THADA: variants seen among roughly 807,000 people sequenced by gnomAD.
THADA encodes THADA armadillo repeat containing.
THADA carries 213 observed loss-of-function variants against 219.8 expected under a neutral mutation model. The observed-to-expected ratio is 0.97, with a 90% CI of 0.87 to 1.09. The LOEUF (loss-of-function observed/expected upper bound fraction) is 1.09. Ranked by LOEUF, THADA falls within the 50% of genes least tolerant of loss-of-function variation. The pLI is 0.00. For synonymous variants in THADA, 1,018 were observed against 828.9 expected, an observed-to-expected ratio of 1.23 and a Z score of -3.92; for missense variants, 2,956 against 2,311.3, an observed-to-expected ratio of 1.28 and a Z score of -5.72.
chr2:43,274,998 C>CTTTTTTTTTT (rs1002469067), intron 36 of THADA, among the ~76,000 whole-genome samples: 1 of 66,294 alleles, frequency 1.5e-5, no homozygotes, highest in East Asian at 3.5e-4. Context: ...CTTTTCTTTT[C>CTTTTTTTTTT]TTTTTTTTTT....
At position 43,571,742 on chromosome 2, in the gene THADA, C is replaced by T. The variant is rs777841362; in HGVS notation, c.2029G>A (p.Gly677Arg). ...ITYNLNSQSP[G>R]VRQQICSLLK... ...AGAGAACAGATCTGTTGCCGCACTC[C>T]TGGAGACTGGCTGTTAAGATTGTAT... The change falls in exon 13 of 38, where the codon GGA becomes AGA. Residue 677 changes from glycine to arginine, a missense_variant. Physicochemically the swap from Gly to Arg is moderately radical, Grantham distance 125. Coordinates refer to ENST00000405975, the MANE Select transcript of THADA (RefSeq NM_022065.5). 15 of 1,613,792 alleles carry T rather than the reference C, an allele frequency of 9.3e-6. No homozygotes were observed. The highest frequency in any genetic ancestry group is 2.2e-5 in the East Asian group (1 of 44,896).
intron 26 of THADA, among the ~76,000 whole-genome samples, chr2:43,438,519 C>T (rs548915988): frequency 6.6e-6 from 1 of 152,210 alleles, no homozygotes; most frequent in South Asian, 2.1e-4. Context: ...AGGTAAATGG[C>T]CTAGATAAAC....
intron 22 of THADA, among the ~76,000 whole-genome samples, chr2:43,515,862 A>T (rs1691656762): frequency 6.6e-6 from 1 of 152,156 alleles, no homozygotes; most frequent in South Asian, 2.1e-4. Flanking sequence ...GTACACCTAA[A>T]GTAGTTTCAA....
At chr2:43,458,598 T>C (rs6738365) in intron 26 of THADA, among the ~76,000 whole-genome samples, 31,058 of 152,078 alleles carry the variant, frequency 0.2, 3,413 homozygotes, top group Non-Finnish European at 0.25. Flanking sequence ...TTTCAACCCC[T>C]ACTGTCACTA....
intron 4 of THADA, among the ~76,000 whole-genome samples, chr2:43,589,918 T>C (rs1480603861): frequency 6.6e-6 from 1 of 152,088 alleles, no homozygotes; most frequent in African/African-American, 2.4e-5. Context: ...ACAATTAGGA[T>C]TTTATGACAT....
intron 22 of THADA, among the ~76,000 whole-genome samples, chr2:43,521,352 C>G (rs1416731997): frequency 6.6e-6 from 1 of 152,056 alleles, no homozygotes; most frequent in African/African-American, 2.4e-5. Context: ...GTCAGGAGTT[C>G]AAGACTGGCC....
At chr2:43,533,919 C>A (rs1031851343) in intron 21 of THADA, among the ~76,000 whole-genome samples, 22 of 151,954 alleles carry the variant, frequency 1.4e-4, no homozygotes, top group Non-Finnish European at 2.6e-4. Flanking sequence ...AAATTTAAAA[C>A]AAAAAACTCT....
chr2:43,509,484 T>C (rs952533213), intron 22 of THADA, among the ~76,000 whole-genome samples: 5 of 152,206 alleles, frequency 3.3e-5, no homozygotes, highest in Non-Finnish European at 7.4e-5. Context: ...ACAATTATCT[T>C]AGCAAGGTAG....
At chr2:43,501,677 C>T (rs1194123654) in intron 24 of THADA, among the ~76,000 whole-genome samples, 1 of 152,156 alleles carries the variant, frequency 6.6e-6, no homozygotes, top group Non-Finnish European at 1.5e-5. Context: ...GGTGTGGTGG[C>T]TCACGCCTGT....
chr2:43,338,917 G>T (rs1254096722), intron 30 of THADA, among the ~76,000 whole-genome samples: 8 of 152,114 alleles, frequency 5.3e-5, no homozygotes, highest in Non-Finnish European at 8.8e-5. Context: ...ATTTTTTGAG[G>T]AAATATCATA....
intron 34 of THADA, among the ~76,000 whole-genome samples, chr2:43,290,510 T>C (rs1251839757): frequency 6.6e-6 from 1 of 152,202 alleles, no homozygotes; most frequent in Non-Finnish European, 1.5e-5. Context: ...ATCTCCTCTA[T>C]GAAGTCTTCT....
At chr2:43,356,700 A>G (rs953914023) in intron 29 of THADA, among the ~76,000 whole-genome samples, 5 of 152,252 alleles carry the variant, frequency 3.3e-5, no homozygotes, top group African/African-American at 4.8e-5. Flanking sequence ...TTAAGTAGTT[A>G]GGTCCAAACA....
At chr2:43,350,039 T>G (rs951195822) in intron 29 of THADA, among the ~76,000 whole-genome samples, 7 of 152,238 alleles carry the variant, frequency 4.6e-5, no homozygotes, top group Non-Finnish European at 8.8e-5. Context: ...TTTCAGGGAC[T>G]TAAATAAATG....
chr2:43,408,613 C>T (rs186898043), intron 28 of THADA, among the ~76,000 whole-genome samples: 3 of 152,260 alleles, frequency 2.0e-5, no homozygotes, highest in Admixed American at 6.5e-5. Context: ...TTTAAGACAT[C>T]CTCAAATTAA....
intron 25 of THADA, among the ~76,000 whole-genome samples, chr2:43,490,272 T>C (rs1687465723): frequency 6.6e-6 from 1 of 152,222 alleles, no homozygotes; most frequent in Admixed American, 6.5e-5. Context: ...TTTAAGATCA[T>C]GTCATCAGAA....
At chr2:43,515,108 ATT>A (rs1301685209) in intron 22 of THADA, among the ~76,000 whole-genome samples, 7 of 29,362 alleles carry the variant, frequency 2.4e-4, no homozygotes, top group Admixed American at 1.4e-3. Flanking sequence ...TATATAATAT[ATT>A]TTATATATAA....
intron 30 of THADA, among the ~76,000 whole-genome samples, chr2:43,333,606 C>A (rs1666048227): frequency 6.6e-6 from 1 of 152,084 alleles, no homozygotes; most frequent in African/African-American, 2.4e-5. Flanking sequence ...TAACCCCTAG[C>A]AATGCCTGGA....
rs1424673103 is a variant in THADA at position 43,298,118 on chromosome 2, C to T, written c.4439-4905G>A. Among the ~76,000 whole-genome samples, 21 of 93,722 alleles carry T rather than the reference C, an allele frequency of 2.2e-4. 1 individual carries two copies. The highest frequency in any genetic ancestry group is 1.8e-3 in the Admixed American group (19 of 10,802). The allele number at this position is 93,722 out of a possible 152,430, so 61.5% of individuals were successfully genotyped here. On this transcript the variant is annotated intron_variant, in intron 31 of 37. Transcript: ENST00000405975. ...GGTGTGCCCAACAGCTCATTGAGAA[C>T]GGGCCAGGATGACAATGGCGGCTTT...
At chr2:43,311,227 G>T (rs1478355910) in intron 31 of THADA, among the ~76,000 whole-genome samples, 1 of 150,994 alleles carries the variant, frequency 6.6e-6, no homozygotes, top group African/African-American at 2.4e-5. Flanking sequence ...GATCTGAAGA[G>T]ACCGTTCTTT....
Sources: allele counts gnomAD v4.1 joint callset (sites outside exome capture counted in the v4.1 genomes callset), GRCh38; gene constraint gnomAD v4.1.1; transcripts MANE v1.5; gene names NCBI Gene and HGNC (gene_info 2026-07-23, HGNC 2026-07-21).